The following C5orf47 variants were observed in gnomAD, a reference collection of about 807,000 sequenced individuals.
C5orf47 encodes the protein chromosome 5 open reading frame 47, also known as uncharacterized protein C5orf47.
C5orf47 carries 20 observed loss-of-function variants against 20.6 expected under a neutral mutation model. That is an observed-to-expected ratio of 0.97 (90% CI 0.68 to 1.41). The LOEUF is 1.41. Ranked by LOEUF, C5orf47 falls within the 40% of genes most tolerant of loss-of-function variation. The pLI is 0.00. For synonymous variants in C5orf47, 106 were observed against 97.3 expected (o/e 1.09, Z -0.53); for missense variants, 262 against 238.4 (o/e 1.10, Z -0.65).
chr5:173,989,840 G>A (rs1581190718), intron 1 of C5orf47, among the ~76,000 whole-genome samples: 4 of 152,334 alleles, frequency 2.6e-5, no homozygotes, highest in East Asian at 3.9e-4. Context: ...CCTCACGGAG[G>A]CTTTTGGCCT....
intron 1 of C5orf47, 21 bp downstream of exon 1, chr5:173,989,609 G>A: frequency 2.1e-6 from 3 of 1,402,604 alleles, no homozygotes; most frequent in Non-Finnish European, 1.8e-6. Flanking sequence ...GGGGCAGGGC[G>A]GGACCGGGCG....
intron 1 of C5orf47, among the ~76,000 whole-genome samples, chr5:173,994,260 C>T (rs1759050257): frequency 6.6e-6 from 1 of 152,214 alleles, no homozygotes; most frequent in Non-Finnish European, 1.5e-5. Context: ...ATTTGCAGAG[C>T]ATACTTCTCA....
intron 1 of C5orf47, among the ~76,000 whole-genome samples, chr5:173,993,886 T>G (rs968110867): frequency 5.0e-4 from 76 of 152,344 alleles, no homozygotes; most frequent in Non-Finnish European, 7.5e-4. Flanking sequence ...CACATCTTTA[T>G]TAATCAAAAT....
chr5:173,998,193 C>A lies in C5orf47; in HGVS notation c.366C>A (p.Pro122=), dbSNP rs1759132802. ...QKDAAKKYDF[P]IPLNEASKIM... Reference sequence around the variant, plus strand: ...ATGCAGCTAAAAAGTATGATTTTCCCATACCATTGAATGAAGCTTCCAAAA... The same window carrying A: ...ATGCAGCTAAAAAGTATGATTTTCCAATACCATTGAATGAAGCTTCCAAAA... The change falls in exon 2 of 5, where the codon CCC becomes CCA. Residue 122 remains proline (P), a synonymous_variant. Coordinates refer to ENST00000340147, the MANE Select transcript of C5orf47 (RefSeq NM_001144954.2). 3.2e-6 allele frequency: 5 copies of A among 1,542,486 alleles called. No homozygotes were observed. The highest frequency in any genetic ancestry group is 4.4e-6 in the Non-Finnish European group (5 of 1,142,310).
intron 1 of C5orf47, among the ~76,000 whole-genome samples, chr5:173,993,821 A>C (rs1759041432): frequency 6.6e-6 from 1 of 152,228 alleles, no homozygotes; most frequent in East Asian, 1.9e-4. Context: ...AAGTTGGTGC[A>C]AAAGTAATTG....
intron 3 of C5orf47, among the ~76,000 whole-genome samples, chr5:174,000,632 GATA>G (rs1200585752): frequency 1.3e-5 from 2 of 152,034 alleles, no homozygotes; most frequent in African/African-American, 4.8e-5. Flanking sequence ...ATTTTCATAA[GATA>G]ATCATGAAAA....
At chr5:173,989,654 G>C (rs1187830857) in intron 1 of C5orf47, 66 bp downstream of exon 1, 4 of 1,283,446 alleles carry the variant, frequency 3.1e-6, no homozygotes, top group Non-Finnish European at 4.0e-6. Context: ...GGGCTCAGCT[G>C]CTGGGCGCCA....
At chr5:174,000,526 T>C (rs1379116168) in intron 3 of C5orf47, among the ~76,000 whole-genome samples, 2 of 152,176 alleles carry the variant, frequency 1.3e-5, no homozygotes, top group African/African-American at 4.8e-5. Context: ...CTGCACATGC[T>C]ATCATGAATG....
chr5:174,001,445 G>T (rs1759195040), intron 4 of C5orf47, among the ~76,000 whole-genome samples: 2 of 151,900 alleles, frequency 1.3e-5, no homozygotes, highest in Admixed American at 1.3e-4. Context: ...CATGCTATTA[G>T]AAATTCTCTC....
intron 4 of C5orf47, among the ~76,000 whole-genome samples, chr5:174,001,958 C>CT (rs375423569): frequency 0.17 from 22,672 of 133,404 alleles, 2,207 homozygotes; most frequent in African/African-American, 0.3. Flanking sequence ...TTTTTTTTTT[C>CT]TTTTTTTTTT....
intron 4 of C5orf47, among the ~76,000 whole-genome samples, chr5:174,001,970 A>G (rs1157788004): frequency 3.2e-5 from 4 of 126,564 alleles, no homozygotes; most frequent in Non-Finnish European, 5.0e-5. Context: ...TTTTTTTTTT[A>G]AAGAGACAGG....
At chr5:173,996,085 T>C (rs1759092868) in intron 1 of C5orf47, among the ~76,000 whole-genome samples, 1 of 152,130 alleles carries the variant, frequency 6.6e-6, no homozygotes. Flanking sequence ...GGTGAATAAT[T>C]TGGGGAATGA....
At chr5:174,006,762 T>C (rs1759298674), downstream of C5orf47, among the ~76,000 whole-genome samples, 1 of 152,190 alleles carries the variant, frequency 6.6e-6, no homozygotes, top group African/African-American at 2.4e-5. Context: ...GGTATGCTGC[T>C]GCAGTAGTAT....
chr5:174,004,217 G>A (rs1004973126), intron 4 of C5orf47, 54 bp from the exon 5 acceptor site: 2 of 152,184 alleles, frequency 1.3e-5, no homozygotes, highest in African/African-American at 2.4e-5. Flanking sequence ...CAGTGACTAC[G>A]GATGATGATA....
downstream of C5orf47, among the ~76,000 whole-genome samples, chr5:174,006,893 AT>A (rs1463395678): frequency 6.6e-6 from 1 of 152,198 alleles, no homozygotes; most frequent in Non-Finnish European, 1.5e-5. Context: ...ATTCTACTAC[AT>A]TTGTATGAAG....
chr5:174,007,512 C>CAGTA (rs566322753), downstream of C5orf47, among the ~76,000 whole-genome samples: 12 of 151,350 alleles, frequency 7.9e-5, no homozygotes, highest in South Asian at 1.3e-3. Flanking sequence ...ATGGGGCAGA[C>CAGTA]AGTATTTACT....
intron 4 of C5orf47, among the ~76,000 whole-genome samples, chr5:174,003,128 T>C (rs904060420): frequency 3.3e-5 from 5 of 152,160 alleles, no homozygotes; most frequent in African/African-American, 9.7e-5. Flanking sequence ...TTTTCTTTTT[T>C]AATTAGTATT....
At chr5:174,009,389 AT>A (rs1267441547), downstream of C5orf47, among the ~76,000 whole-genome samples, 1 of 151,684 alleles carries the variant, frequency 6.6e-6, no homozygotes, top group Non-Finnish European at 1.5e-5. Flanking sequence ...CTTTGGTTTT[AT>A]TTTACTCCTC....
chr5:173,989,794 A>G (rs1287540220), intron 1 of C5orf47, among the ~76,000 whole-genome samples: 3 of 152,184 alleles, frequency 2.0e-5, no homozygotes, highest in Non-Finnish European at 2.9e-5. Context: ...CACCTGACAT[A>G]AGAGGAGAGG....
Sources: allele counts gnomAD v4.1 joint callset (sites outside exome capture counted in the v4.1 genomes callset), GRCh38; gene constraint gnomAD v4.1.1; transcripts MANE v1.5; gene names NCBI Gene and HGNC (gene_info 2026-07-23, HGNC 2026-07-21).